The following AGBL3 variants were observed in gnomAD, a reference collection of about 807,000 sequenced individuals.
AGBL3 encodes AGBL carboxypeptidase 3, also known as cytosolic carboxypeptidase 3.
A neutral mutation model predicts 94.5 loss-of-function variants in AGBL3; 68 were observed. The ratio of observed to expected loss-of-function variants is 0.72; its 90% CI spans 0.59 to 0.88. The LOEUF is 0.88. Among genes scored for constraint, AGBL3 ranks in the 40% least tolerant of loss-of-function variants. AGBL3 has a pLI of 0.00. For synonymous variants in AGBL3, 354 were observed against 370.7 expected, an observed-to-expected ratio of 0.95 and a Z score of 0.52; for missense variants, 934 against 1,103.8, an observed-to-expected ratio of 0.85 and a Z score of 2.18.
At chr7:135,043,623 T>A (rs1817076786) in intron 8 of AGBL3, among the ~76,000 whole-genome samples, 1 of 152,134 alleles carries the variant, frequency 6.6e-6, no homozygotes, top group Non-Finnish European at 1.5e-5. Context: ...ATGCTTGAGG[T>A]GATGGATACC....
chr7:135,027,705 C>T (rs1211444124), intron 5 of AGBL3, among the ~76,000 whole-genome samples: 1 of 151,300 alleles, frequency 6.6e-6, no homozygotes, highest in Non-Finnish European at 1.5e-5. Flanking sequence ...GTCTTGTAGC[C>T]TCTGTTGTCT....
At chr7:135,024,733 C>A (rs560238613) in intron 5 of AGBL3, among the ~76,000 whole-genome samples, 1 of 152,248 alleles carries the variant, frequency 6.6e-6, no homozygotes, top group Admixed American at 6.5e-5. Flanking sequence ...GAAACCCAAT[C>A]TAGGAATCCA....
chr7:135,044,240 A>C (rs560183084), intron 9 of AGBL3, 89 bp downstream of exon 9: 2 of 1,237,994 alleles, frequency 1.6e-6, no homozygotes, highest in South Asian at 5.4e-5. Context: ...AGACAATAGT[A>C]CTTTCTTCCT....
At chr7:135,082,690 C>G (rs1473253403) in intron 15 of AGBL3, among the ~76,000 whole-genome samples, 2 of 152,100 alleles carry the variant, frequency 1.3e-5, no homozygotes, top group Non-Finnish European at 2.9e-5. Context: ...TTCTCTACTT[C>G]TTCACTTATT....
intron 15 of AGBL3, among the ~76,000 whole-genome samples, chr7:135,102,792 C>A (rs1313551809): frequency 2.0e-5 from 3 of 151,912 alleles, no homozygotes; most frequent in Non-Finnish European, 4.4e-5. Context: ...GATCATAGAT[C>A]TAAATATCTA....
Position 135,044,108 on chromosome 7 carries a change from G to T in AGBL3, c.1584G>T (p.Arg528Ser). The change falls in exon 9 of 17, where the codon AGG becomes AGT. Residue 528 changes from arginine to serine, a missense_variant. Physicochemically the swap from Arg to Ser is moderately radical, Grantham distance 110. Around this residue, in one of 3 missense-constraint regions of AGBL3, gnomAD observed 441 missense variants for 518.2 expected, o/e 0.85. Transcript: ENST00000436302. Reference protein sequence around the residue: ...GRVVMWKMGIRNSFTMEATFC... With the variant: ...GRVVMWKMGISNSFTMEATFC... ...TGGTAATGTGGAAAATGGGAATCAG[G>T]AACAGCTTTACCATGGAGGCCACCT... The T allele has an allele frequency of 6.4e-7, 1 of 1,550,734 alleles. No homozygotes were observed. The highest frequency in any genetic ancestry group is 1.2e-5 in the South Asian group (1 of 84,004).
At chr7:135,077,145 A>G (rs1820527329) in intron 13 of AGBL3, among the ~76,000 whole-genome samples, 1 of 148,616 alleles carries the variant, frequency 6.7e-6, no homozygotes, top group Non-Finnish European at 1.5e-5. Flanking sequence ...CTATCCCAGG[A>G]GGGGGAGGAT....
intron 13 of AGBL3, among the ~76,000 whole-genome samples, chr7:135,077,509 C>A (rs1236517580): frequency 1.3e-5 from 2 of 152,092 alleles, no homozygotes; most frequent in Admixed American, 1.3e-4. Context: ...GGTCACAAAA[C>A]AGATAGCTCC....
chr7:135,125,813 A>G (rs909163991), intron 16 of AGBL3, among the ~76,000 whole-genome samples: 6 of 152,246 alleles, frequency 3.9e-5, no homozygotes, highest in Admixed American at 1.3e-4. Flanking sequence ...ATCTCAATAG[A>G]TGCAAAAAAG....
At position 135,044,559 on chromosome 7, in the gene AGBL3, G is replaced by A. The variant is rs1052670083; in HGVS notation, c.1627+408G>A. Among the ~76,000 whole-genome samples, 12 of 152,198 alleles carry A rather than the reference G, an allele frequency of 7.9e-5. No individual in the cohort carries two copies. In the South Asian group the frequency reaches 1.0e-3, roughly 13 times the overall value. ...TGAACAAAAATTAAAAGTGTGCTTT[G>A]TAGTCCCATTTAAGAAATCTTTTAG... On this transcript the variant is annotated intron_variant, in intron 9 of 16. Coordinates refer to ENST00000436302, the MANE Select transcript of AGBL3 (RefSeq NM_178563.4).
At chr7:135,133,670 G>GA (rs1829098544) in intron 16 of AGBL3, among the ~76,000 whole-genome samples, 1 of 151,966 alleles carries the variant, frequency 6.6e-6, no homozygotes, top group Non-Finnish European at 1.5e-5. Context: ...ATTCAATGGA[G>GA]AAAAAAGAGA....
At chr7:135,116,542 T>A (rs1826338241) in intron 16 of AGBL3, among the ~76,000 whole-genome samples, 1 of 152,216 alleles carries the variant, frequency 6.6e-6, no homozygotes, top group African/African-American at 2.4e-5. Context: ...AGGTACTTCA[T>A]TTCTGTCCAT....
intron 16 of AGBL3, among the ~76,000 whole-genome samples, chr7:135,131,166 C>T (rs1010461975): frequency 3.9e-5 from 6 of 151,952 alleles, no homozygotes; most frequent in African/African-American, 1.2e-4. Flanking sequence ...TTTCCAGGGA[C>T]GTGGATGAAG....
At chr7:135,019,393 T>C (rs982250188) in intron 5 of AGBL3, among the ~76,000 whole-genome samples, 1 of 152,230 alleles carries the variant, frequency 6.6e-6, no homozygotes, top group Non-Finnish European at 1.5e-5. Flanking sequence ...TTAGTGCATT[T>C]TGCATCCTGC....
chr7:135,125,866 A>C (rs1168367698), intron 16 of AGBL3, among the ~76,000 whole-genome samples: 1 of 152,248 alleles, frequency 6.6e-6, no homozygotes, highest in Non-Finnish European at 1.5e-5. Context: ...AAAAACTCTC[A>C]ATAAACTAGG....
intron 15 of AGBL3, among the ~76,000 whole-genome samples, chr7:135,084,686 ATGG>A (rs2116873245): frequency 1.3e-5 from 2 of 152,184 alleles, no homozygotes; most frequent in African/African-American, 4.8e-5. Flanking sequence ...GTTCTTTTTT[ATGG>A]TTAAATACTA....
intron 4 of AGBL3, among the ~76,000 whole-genome samples, chr7:135,003,637 T>C (rs1812001960): frequency 6.6e-6 from 1 of 151,690 alleles, no homozygotes; most frequent in Non-Finnish European, 1.5e-5. Flanking sequence ...TTTTCCTTTA[T>C]CTCCTTTATT....
intron 5 of AGBL3, among the ~76,000 whole-genome samples, chr7:135,018,773 A>G (rs73153717): frequency 0.068 from 10,429 of 152,312 alleles, 434 homozygotes; most frequent in East Asian, 0.19. Flanking sequence ...ATATAAAGTT[A>G]AAACCCTAGG....
rs555580507 is a variant in AGBL3 at position 134,989,461 on chromosome 7, A to G, written c.124+151A>G. On this transcript the variant is annotated intron_variant, in intron 3 of 16. Transcript: ENST00000436302. ...GAACTGTATCTACTTGCAGAGTTCA[A>G]ACTTTTCAGGTTTGTTTTAGGTAAG... is the stretch of plus-strand genomic sequence containing the variant. Among the ~76,000 whole-genome samples, 196 of 152,358 alleles carry G rather than the reference A, an allele frequency of 1.3e-3. 3 individuals are homozygous for G. Among genetic ancestry groups the G allele is most frequent in the African/African-American group, 4.7e-3 (194 of 41,594 alleles).
Sources: gnomAD v4.1 joint callset for allele counts (sites outside exome capture counted in the v4.1 genomes callset) on GRCh38, gnomAD v4.1.1 for gene constraint, gnomAD v4.1.1 regional missense constraint, MANE v1.5 for transcripts, NCBI Gene and HGNC (gene_info 2026-07-23, HGNC 2026-07-21) for gene names.